The following MTARC2 variants were observed in gnomAD, a reference collection of about 807,000 sequenced individuals.
MTARC2 encodes the protein MOCO sulphurase C-terminal domain containing 2.
MTARC2 carries 27 observed loss-of-function variants against 35.6 expected under a neutral mutation model. The ratio of observed to expected loss-of-function variants is 0.76; its 90% CI spans 0.56 to 1.04. The LOEUF is 1.04. Among genes scored for constraint, MTARC2 ranks in the 50% least tolerant of loss-of-function variants. The pLI is 0.00. For missense variants in MTARC2, 412 were observed against 432.5 expected, an observed-to-expected ratio of 0.95 and a Z score of 0.42; for synonymous variants, 158 against 167.1, an observed-to-expected ratio of 0.95 and a Z score of 0.42.
At chr1:220,753,525 G>A (rs1396051441) in intron 1 of MTARC2, among the ~76,000 whole-genome samples, 1 of 152,158 alleles carries the variant, frequency 6.6e-6, no homozygotes, top group African/African-American at 2.4e-5. Context: ...CAGAGACGGA[G>A]CTCCCTGTGC....
intron 2 of MTARC2, among the ~76,000 whole-genome samples, chr1:220,758,642 C>T (rs1295887115): frequency 6.6e-6 from 1 of 152,108 alleles, no homozygotes; most frequent in Non-Finnish European, 1.5e-5. Flanking sequence ...TGTTCTCGAA[C>T]TCCTGACCTC....
chr1:220,779,615 A>T (rs921700361), intron 4 of MTARC2, among the ~76,000 whole-genome samples: 6 of 152,224 alleles, frequency 3.9e-5, no homozygotes, highest in Non-Finnish European at 1.5e-5. Flanking sequence ...CTCTTGGGTG[A>T]TGTCCCCACT....
At position 220,755,083 on chromosome 1, in the gene MTARC2, A is replaced by G. The variant is rs765015871; in HGVS notation, c.409A>G (p.Ser137Gly). 180 of 1,611,862 alleles carry G rather than the reference A, an allele frequency of 1.1e-4. No individual in the cohort carries two copies. The highest frequency in any genetic ancestry group is 1.5e-4 in the Non-Finnish European group (173 of 1,179,172). ...AGACATGGACCAGCTGGTTTTGCCT[A>G]GCAAGCAGCCTTCCTCAAACAAACT... ...APDMDQLVLP[S>G]KQPSSNKLHN... The change falls in exon 2 of 8, where the codon AGC becomes GGC. Residue 137 changes from serine to glycine, a missense_variant. Ser to Gly is a moderately conservative substitution (Grantham distance 56, BLOSUM62 0). Coordinates refer to ENST00000366913, the MANE Select transcript of MTARC2 (RefSeq NM_017898.5).
chr1:220,755,683 G>C (rs1266727711), intron 2 of MTARC2, among the ~76,000 whole-genome samples: 4 of 152,168 alleles, frequency 2.6e-5, no homozygotes, highest in Admixed American at 2.0e-4. Flanking sequence ...TGGGAGTGCA[G>C]ACTCTGGATG....
chr1:220,756,686 G>A (rs527894954), intron 2 of MTARC2, among the ~76,000 whole-genome samples: 6 of 152,330 alleles, frequency 3.9e-5, no homozygotes, highest in South Asian at 2.1e-4. Flanking sequence ...GGGTAAATAC[G>A]TAGCTGACAT....
intron 1 of MTARC2, among the ~76,000 whole-genome samples, chr1:220,749,083 TC>T (rs1410912457): frequency 6.6e-6 from 1 of 152,176 alleles, no homozygotes; most frequent in Non-Finnish European, 1.5e-5. Context: ...TCTCCTTAGC[TC>T]TAAAGTTTGT....
At position 220,770,602 on chromosome 1, in the gene MTARC2, T is replaced by C. The variant is rs933858050; in HGVS notation, c.750+7552T>C. The C allele has an allele frequency of 2.2e-5, 21 of 976,004 alleles. No homozygotes were observed. In the East Asian group the frequency reaches 1.9e-3, roughly 90 times the overall value. 60.5% of individuals were successfully genotyped at this position (976,004 alleles called of 1,614,324 possible). A position where few individuals can be genotyped will look rare whatever the true frequency, so the allele number is the denominator to read the frequency against. ...GAGACCATGACCCCCCATACCTTTC[T>C]CTCGCTGTTCTCTGGAGGGCTGTGA... On this transcript the variant is annotated intron_variant, in intron 4 of 7. Coordinates refer to ENST00000366913, the MANE Select transcript of MTARC2 (RefSeq NM_017898.5).
intron 4 of MTARC2, among the ~76,000 whole-genome samples, chr1:220,763,411 C>T (rs1275775361): frequency 6.6e-6 from 1 of 152,188 alleles, no homozygotes; most frequent in East Asian, 1.9e-4. Flanking sequence ...GCAGAGCTCT[C>T]AAAGATTTGA....
At chr1:220,771,187 T>C (rs974012729) in intron 4 of MTARC2, among the ~76,000 whole-genome samples, 1 of 150,280 alleles carries the variant, frequency 6.7e-6, no homozygotes, top group Non-Finnish European at 1.5e-5. Context: ...TAATCCCAGC[T>C]ACTTGGGAGG....
At chr1:220,765,184 G>A (rs11589296) in intron 4 of MTARC2, among the ~76,000 whole-genome samples, 20,506 of 152,156 alleles carry the variant, frequency 0.13, 1,829 homozygotes, top group East Asian at 0.26. Context: ...TTGTGTGCAG[G>A]CCAGGGTCAG....
intron 1 of MTARC2, among the ~76,000 whole-genome samples, chr1:220,749,526 GT>G (rs1191045682): frequency 6.7e-6 from 1 of 149,276 alleles, no homozygotes. Context: ...CATCTCCCAA[GT>G]TCAAGCAATT....
At chr1:220,768,074 C>T (rs1391413094) in intron 4 of MTARC2, among the ~76,000 whole-genome samples, 1 of 152,158 alleles carries the variant, frequency 6.6e-6, no homozygotes, top group Non-Finnish European at 1.5e-5. Context: ...GCAAGAATCA[C>T]GACTCACTGC....
Position 220,762,945 on chromosome 1 carries a change from G to A in MTARC2, c.645G>A (p.Met215Ile). The A allele has an allele frequency of 1.2e-6, 2 of 1,614,210 alleles. No individual in the cohort carries two copies. The highest frequency in any genetic ancestry group is 2.2e-5 in the South Asian group (2 of 91,086). ...AYPDYCPLLI[M>I]TDASLVDLNT... ...CAGACTACTGCCCGCTCCTGATCAT[G>A]ACAGATGCCTCCCTGGTAGATTTGA... The change falls in exon 4 of 8, where the codon ATG (methionine) becomes ATA (isoleucine). Residue 215 changes from methionine to isoleucine, a missense_variant. Met to Ile is a conservative substitution (Grantham distance 10, BLOSUM62 1). Coordinates refer to ENST00000366913, the MANE Select transcript of MTARC2 (RefSeq NM_017898.5).
chr1:220,751,670 C>T (rs956303301), intron 1 of MTARC2, among the ~76,000 whole-genome samples: 10 of 152,114 alleles, frequency 6.6e-5, no homozygotes, highest in Non-Finnish European at 1.5e-4. Flanking sequence ...GTTTTGGGCT[C>T]CACTTACCCG....
Position 220,784,029 on chromosome 1 carries a change from G to T in MTARC2, c.*142G>T, listed in dbSNP as rs60301504. Reference sequence around the variant, plus strand: ...TATCTTTACCCTGGAAAACAATCTCGATTTTTGACTTTTCAAAGTTGTGTA... The same window carrying T: ...TATCTTTACCCTGGAAAACAATCTCTATTTTTGACTTTTCAAAGTTGTGTA... On this transcript the variant is annotated 3_prime_UTR_variant, in exon 8 of 8. Coordinates refer to ENST00000366913, the MANE Select transcript of MTARC2 (RefSeq NM_017898.5). 4,582 of 711,714 alleles carry T rather than the reference G, an allele frequency of 6.4e-3. 161 individuals are homozygous for T. The African/African-American group carries it at 0.07, about 11-fold the overall frequency. 44.1% of individuals were successfully genotyped at this position (711,714 alleles called of 1,614,324 possible).
In MTARC2 at chr1:220,762,940, A is replaced by G; in HGVS notation, c.640A>G (p.Ile214Val). 2 of 1,614,198 alleles carry G rather than the reference A, an allele frequency of 1.2e-6. No individual in the cohort carries two copies. Among genetic ancestry groups the G allele is most frequent in the Admixed American group, 1.7e-5 (1 of 60,024 alleles). The change falls in exon 4 of 8, where the codon ATC (isoleucine) becomes GTC (valine). Residue 214 changes from isoleucine (I) to valine (V), a missense_variant. Coordinates refer to ENST00000366913, the MANE Select transcript of MTARC2 (RefSeq NM_017898.5). ...VAYPDYCPLL[I>V]MTDASLVDLN... The stretch of plus-strand genomic sequence containing the variant: ...CTACCCAGACTACTGCCCGCTCCTG[A>G]TCATGACAGATGCCTCCCTGGTAGA...
intron 4 of MTARC2, among the ~76,000 whole-genome samples, chr1:220,778,237 G>C (rs1430790289): frequency 9.7e-6 from 1 of 103,548 alleles, no homozygotes; most frequent in African/African-American, 3.7e-5. Context: ...AACAGAGTGA[G>C]ACTCTGTCTC....
In MTARC2 at chr1:220,748,816, G is replaced by A. The variant is rs1022046447; in HGVS notation, c.272+13G>A. 2.5e-6 allele frequency: 4 copies of A among 1,569,424 alleles called. No homozygotes were observed. Among genetic ancestry groups the A allele is most frequent in the Admixed American group, 1.9e-5 (1 of 53,968 alleles). ...ACCTGCGGGACAGGTACAGCACAGC[G>A]CGGGCGCGGGGCAGCGCGGAGCCTG... On this transcript the variant is annotated intron_variant, in intron 1 of 7. Coordinates refer to ENST00000366913, the MANE Select transcript of MTARC2 (RefSeq NM_017898.5).
chr1:220,769,255 G>A (rs924928248), intron 4 of MTARC2, among the ~76,000 whole-genome samples: 8 of 152,234 alleles, frequency 5.3e-5, no homozygotes, highest in African/African-American at 1.9e-4. Flanking sequence ...GCTTCTGCGA[G>A]GTTCCTTCCG....
Sources: allele counts gnomAD v4.1 joint callset (sites outside exome capture counted in the v4.1 genomes callset), GRCh38; gene constraint gnomAD v4.1.1; transcripts MANE v1.5; gene names NCBI Gene and HGNC (gene_info 2026-07-23, HGNC 2026-07-21).